Variants in KANK4 observed in about 807,000 individuals in gnomAD.
KANK4 encodes KN motif and ankyrin repeat domains 4.
KANK4 carries 50 observed loss-of-function variants against 80.8 expected under a neutral mutation model. That is an observed-to-expected ratio of 0.62 (90% CI 0.49 to 0.78). KANK4 has a LOEUF of 0.78. KANK4 is among the 30% of genes least tolerant of loss of function. KANK4 has a pLI of 0.00. For missense variants in KANK4, 1,196 were observed against 1,240.1 expected, an observed-to-expected ratio of 0.96 and a Z score of 0.53; for synonymous variants, 465 against 506.9, an observed-to-expected ratio of 0.92 and a Z score of 1.11.
At chr1:62,312,328 G>T (rs1644504182) in intron 1 of KANK4, among the ~76,000 whole-genome samples, 1 of 152,136 alleles carries the variant, frequency 6.6e-6, no homozygotes, top group Admixed American at 6.6e-5. Context: ...ATGTCACAGG[G>T]ACTGCAAATA....
rs768321764 is a variant in KANK4 at position 62,273,701 on chromosome 1, G to A, written c.1403C>T (p.Pro468Leu). The change falls in exon 3 of 10, where the codon CCA becomes CTA. Residue 468 changes from proline to leucine, a missense_variant. By Grantham distance (98) the Pro-to-Leu change is moderately conservative (BLOSUM62 -3). Coordinates refer to ENST00000371153, the MANE Select transcript of KANK4 (RefSeq NM_181712.5). ...PDGHKQGNQS[P>L]AERVLLPQLS... ...CTGGGGCAGAAGCACACGTTCTGCTGGGCTCTGATTCCCTTGTTTATGACC... is the reference window on the plus strand; with the variant it reads ...CTGGGGCAGAAGCACACGTTCTGCTAGGCTCTGATTCCCTTGTTTATGACC... The A allele has an allele frequency of 6.2e-7, 1 of 1,614,098 alleles. No homozygotes were observed. The highest frequency in any genetic ancestry group is 8.5e-7 in the Non-Finnish European group (1 of 1,180,020).
intron 9 of KANK4, among the ~76,000 whole-genome samples, chr1:62,239,430 A>G (rs1473595792): frequency 6.6e-6 from 1 of 152,078 alleles, no homozygotes; most frequent in Non-Finnish European, 1.5e-5. Flanking sequence ...GTGGAAATGT[A>G]TGTTGTTTCT....
chr1:62,245,155 C>G (rs1049357219), intron 9 of KANK4, among the ~76,000 whole-genome samples: 2 of 152,210 alleles, frequency 1.3e-5, no homozygotes, highest in African/African-American at 2.4e-5. Context: ...AAACCTGTTC[C>G]AGATTAAGGG....
In KANK4 at chr1:62,273,461, G is replaced by T. The variant is rs750293657; in HGVS notation, c.1643C>A (p.Pro548Gln). ...CGTTGGCGAGCTTGGTGGCCTTCCC[G>T]GGTGCTCCTTCCCTGGGAGATTGGA... ...TSSNLPGKEHPGRPPSSPTDA... is the reference protein window; with the variant it reads ...TSSNLPGKEHQGRPPSSPTDA... The change falls in exon 3 of 10, where the codon CCG (proline) becomes CAG (glutamine). Residue 548 changes from proline to glutamine, a missense_variant. By Grantham distance (76) the Pro-to-Gln change is moderately conservative (BLOSUM62 -1). Transcript: ENST00000371153. 5.0e-6 allele frequency: 8 copies of T among 1,613,782 alleles called. No homozygotes were observed. In the African/African-American group the frequency reaches 1.1e-4, roughly 22 times the overall value.
chr1:62,275,487 T>C (rs891799426), intron 2 of KANK4, among the ~76,000 whole-genome samples: 1 of 152,158 alleles, frequency 6.6e-6, no homozygotes, highest in East Asian at 1.9e-4. Context: ...CAATTACGGA[T>C]ATGGAAGGGT....
intron 1 of KANK4, among the ~76,000 whole-genome samples, chr1:62,294,694 T>C (rs1444341135): frequency 6.6e-6 from 1 of 152,218 alleles, no homozygotes; most frequent in Non-Finnish European, 1.5e-5. Context: ...AAAGCTGTTA[T>C]TATTTCACAA....
intron 1 of KANK4, among the ~76,000 whole-genome samples, chr1:62,293,152 A>G (rs1286616153): frequency 6.6e-6 from 1 of 151,194 alleles, no homozygotes; most frequent in Non-Finnish European, 1.5e-5. Flanking sequence ...CAATGGCACA[A>G]TCTCGGCTCA....
chr1:62,309,567 C>T (rs2149172351), intron 1 of KANK4, among the ~76,000 whole-genome samples: 1 of 152,320 alleles, frequency 6.6e-6, no homozygotes, highest in South Asian at 2.1e-4. Flanking sequence ...GACTACATTA[C>T]TTAAATTTTT....
At chr1:62,318,769 C>A (rs1244647150) in intron 1 of KANK4, among the ~76,000 whole-genome samples, 1 of 152,212 alleles carries the variant, frequency 6.6e-6, no homozygotes, top group Admixed American at 6.5e-5. Context: ...CACGGCCTCC[C>A]CCTCCTCACC....
chr1:62,279,490 G>C (rs1293119230), intron 2 of KANK4, among the ~76,000 whole-genome samples: 1 of 152,182 alleles, frequency 6.6e-6, no homozygotes, highest in Non-Finnish European at 1.5e-5. Flanking sequence ...ATGAAATTCA[G>C]ATCAAATAAA....
intron 8 of KANK4, among the ~76,000 whole-genome samples, chr1:62,251,557 G>T (rs1197142065): frequency 6.6e-6 from 1 of 152,078 alleles, no homozygotes; most frequent in Admixed American, 6.6e-5. Context: ...GCCCTTCTGG[G>T]TAAGGACCAC....
chr1:62,270,696 T>G (rs979823994), intron 4 of KANK4, among the ~76,000 whole-genome samples: 3 of 152,114 alleles, frequency 2.0e-5, no homozygotes, highest in African/African-American at 7.2e-5. Context: ...AGTTCATCAT[T>G]TCTGATGTTT....
At chr1:62,289,215 T>G (rs1421571387) in intron 1 of KANK4, among the ~76,000 whole-genome samples, 1 of 152,116 alleles carries the variant, frequency 6.6e-6, no homozygotes, top group Non-Finnish European at 1.5e-5. Context: ...AACCCGTGAG[T>G]GCATTCTCTC....
At chr1:62,290,048 C>A (rs1002709569) in intron 1 of KANK4, among the ~76,000 whole-genome samples, 4 of 152,172 alleles carry the variant, frequency 2.6e-5, no homozygotes, top group African/African-American at 9.7e-5. Flanking sequence ...CCACTTAGGA[C>A]AGAGTCCGGT....
intron 1 of KANK4, among the ~76,000 whole-genome samples, chr1:62,297,011 G>C (rs1644371873): frequency 2.0e-5 from 3 of 151,644 alleles, no homozygotes; most frequent in African/African-American, 7.3e-5. Flanking sequence ...GAGTTCAGGA[G>C]TTTGAGACCA....
intron 8 of KANK4, among the ~76,000 whole-genome samples, chr1:62,251,720 G>A (rs114703808): frequency 0.033 from 4,964 of 152,262 alleles, 151 homozygotes; most frequent in African/African-American, 0.084. Flanking sequence ...GAGGCCGGGC[G>A]CGGTGGCTCA....
At position 62,274,429 on chromosome 1, in the gene KANK4, T is replaced by C; in HGVS notation, c.675A>G (p.Pro225=). Residue 225 remains proline (P), a synonymous_variant, in exon 3 of 10, where the codon CCA becomes CCG. Transcript: ENST00000371153. Reference sequence around the variant, plus strand: ...GCTCAGCTCCCTCCTGGACCAGCTCTGGAATCCGAGTTGATGCTCGTGGGC... The same window carrying C: ...GCTCAGCTCCCTCCTGGACCAGCTCCGGAATCCGAGTTGATGCTCGTGGGC... ...SSSPRASTRI[P]ELVQEGAEPP... The C allele has an allele frequency of 1.9e-6, 3 of 1,614,210 alleles. No individual in the cohort carries two copies. The highest frequency in any genetic ancestry group is 2.2e-5 in the South Asian group (2 of 91,084).
intron 1 of KANK4, among the ~76,000 whole-genome samples, chr1:62,308,782 G>C (rs958901382): frequency 3.3e-5 from 5 of 152,178 alleles, no homozygotes; most frequent in Admixed American, 2.0e-4. Flanking sequence ...TTGCCTAGAA[G>C]GCAACGATCT....
chr1:62,259,732 C>G (rs982950695), intron 7 of KANK4, among the ~76,000 whole-genome samples: 1 of 147,758 alleles, frequency 6.8e-6, no homozygotes, highest in Non-Finnish European at 1.5e-5. Flanking sequence ...TAATTATATT[C>G]ATTATTATAT....
Sources: allele counts gnomAD v4.1 joint callset (sites outside exome capture counted in the v4.1 genomes callset), GRCh38; gene constraint gnomAD v4.1.1; transcripts MANE v1.5; gene names NCBI Gene and HGNC (gene_info 2026-07-23, HGNC 2026-07-21).